The following ZNF804B variants were observed in gnomAD, a reference collection of about 807,000 sequenced individuals.
ZNF804B encodes the protein zinc finger 804B.
Under a neutral mutation model 101.4 loss-of-function variants are expected in ZNF804B, and 80 were observed. That is an observed-to-expected ratio of 0.79 (90% CI 0.66 to 0.95). The LOEUF (loss-of-function observed/expected upper bound fraction) is 0.95. Ranked by LOEUF, ZNF804B falls within the 40% of genes least tolerant of loss-of-function variation. The probability of loss-of-function intolerance (pLI) is 0.00; values close to 1 mark genes in which losing one functional copy is unlikely to be tolerated. For missense variants in ZNF804B, 1,673 were observed against 1,561.9 expected (o/e 1.07, Z -1.20); for synonymous variants, 622 against 558.8 (o/e 1.11, Z -1.59).
intron 1 of ZNF804B, among the ~76,000 whole-genome samples, chr7:89,065,480 C>T (rs547004895): frequency 1.3e-5 from 2 of 152,060 alleles, no homozygotes; most frequent in African/African-American, 2.4e-5. Flanking sequence ...GGCTTCAGAA[C>T]CCCTCACCAG....
intron 2 of ZNF804B, among the ~76,000 whole-genome samples, chr7:89,273,821 C>G (rs1215190328): frequency 6.6e-6 from 1 of 152,094 alleles, no homozygotes; most frequent in African/African-American, 2.4e-5. Flanking sequence ...TTCCAATAAA[C>G]AAAACAAGGC....
At chr7:88,932,499 G>A (rs1026940304) in intron 1 of ZNF804B, among the ~76,000 whole-genome samples, 4 of 151,802 alleles carry the variant, frequency 2.6e-5, no homozygotes, top group African/African-American at 9.7e-5. Context: ...TTGACCATTA[G>A]TGAGATTAAC....
intron 1 of ZNF804B, among the ~76,000 whole-genome samples, chr7:89,041,529 T>C (rs1247648066): frequency 6.6e-6 from 1 of 152,104 alleles, no homozygotes; most frequent in African/African-American, 2.4e-5. Context: ...TGGGCTCATG[T>C]GATTGAGTCT....
At chr7:89,074,762 G>A (rs927153258) in intron 1 of ZNF804B, among the ~76,000 whole-genome samples, 8 of 152,170 alleles carry the variant, frequency 5.3e-5, no homozygotes, top group Admixed American at 1.3e-4. Flanking sequence ...GGGCACAGAA[G>A]AAGACAGGAA....
At chr7:88,997,710 C>T (rs751191360) in intron 1 of ZNF804B, among the ~76,000 whole-genome samples, 1 of 152,018 alleles carries the variant, frequency 6.6e-6, no homozygotes, top group Non-Finnish European at 1.5e-5. Context: ...CTAATTTTTG[C>T]TTTATTTCTA....
intron 1 of ZNF804B, among the ~76,000 whole-genome samples, chr7:89,191,100 A>G (rs948536377): frequency 2.0e-5 from 3 of 152,150 alleles, no homozygotes; most frequent in Non-Finnish European, 4.4e-5. Context: ...TTTTAAAGTT[A>G]TACATTCGAT....
chr7:89,256,540 CAA>C (rs71526639), intron 2 of ZNF804B, among the ~76,000 whole-genome samples: 9 of 118,842 alleles, frequency 7.6e-5, no homozygotes, highest in Admixed American at 8.3e-5. Context: ...GCAAGACTGT[CAA>C]AAAAAAAAAA....
intron 1 of ZNF804B, among the ~76,000 whole-genome samples, chr7:89,007,708 G>A (rs1218347440): frequency 6.7e-6 from 1 of 148,938 alleles, no homozygotes; most frequent in African/African-American, 2.5e-5. Context: ...GTCTTATGTT[G>A]ACAGCATGGA....
chr7:89,038,751 A>G (rs1280637051), intron 1 of ZNF804B, among the ~76,000 whole-genome samples: 1 of 151,966 alleles, frequency 6.6e-6, no homozygotes, highest in East Asian at 1.9e-4. Context: ...ATCAAGAAGC[A>G]TTTCCCCTAT....
intron 1 of ZNF804B, among the ~76,000 whole-genome samples, chr7:89,167,968 T>C (rs1391875574): frequency 6.6e-6 from 1 of 152,284 alleles, no homozygotes; most frequent in Non-Finnish European, 1.5e-5. Context: ...AATAATATCA[T>C]ACAATATCTA....
rs1333752871 is a variant in ZNF804B at position 89,220,075 on chromosome 7, G to GTA, written c.249+1785_249+1786dup. On this transcript the variant is annotated intron_variant, in intron 2 of 3. Transcript: ENST00000333190. ...TATACATATATACGCACATATATGT[G>GTA]TATATACATATATATACGCACATAT... 8.0e-5 allele frequency among the ~76,000 whole-genome samples: 8 copies of GTA among 99,482 alleles called. 4 individuals are homozygous for GTA. The highest frequency in any genetic ancestry group is 3.9e-4 in the Admixed American group (4 of 10,312). The allele number at this position is 99,482 out of a possible 152,430, so 65.3% of individuals were successfully genotyped here.
intron 1 of ZNF804B, among the ~76,000 whole-genome samples, chr7:89,089,727 G>A (rs948117737): frequency 2.6e-5 from 4 of 151,976 alleles, no homozygotes; most frequent in Non-Finnish European, 4.4e-5. Flanking sequence ...ATTTTAGTTT[G>A]ATACTTGCCT....
At chr7:89,060,642 C>T (rs1789365603) in intron 1 of ZNF804B, among the ~76,000 whole-genome samples, 1 of 152,096 alleles carries the variant, frequency 6.6e-6, no homozygotes, top group Non-Finnish European at 1.5e-5. Context: ...TTCTACTCCT[C>T]CACACATAAT....
intron 1 of ZNF804B, among the ~76,000 whole-genome samples, chr7:88,853,160 T>C (rs891014334): frequency 4.6e-5 from 7 of 152,156 alleles, no homozygotes; most frequent in African/African-American, 1.7e-4. Context: ...TCCAATCATC[T>C]GGAGAAAAGA....
chr7:89,174,870 C>A (rs1033820047), intron 1 of ZNF804B, among the ~76,000 whole-genome samples: 1 of 151,950 alleles, frequency 6.6e-6, no homozygotes, highest in African/African-American at 2.4e-5. Flanking sequence ...TTTTTACATA[C>A]CTGTATGCCA....
chr7:89,207,792 A>G (rs1022706827), intron 1 of ZNF804B, among the ~76,000 whole-genome samples: 25 of 152,234 alleles, frequency 1.6e-4, no homozygotes, highest in Non-Finnish European at 3.1e-4. Flanking sequence ...CAGTCACTAC[A>G]TTTATTAATT....
Position 89,171,288 on chromosome 7 carries a change from G to GCTGCTGCTT in ZNF804B, c.109-46865_109-46864insGCTGCTTCT, listed in dbSNP as rs1215246589. ...AGTAGGCACAAATAATGCTGCTGCT[G>GCTGCTGCTT]CTTCTTCTTCTTCTTCTTCTTCTTC... On this transcript the variant is annotated intron_variant, in intron 1 of 3. Coordinates refer to ENST00000333190, the MANE Select transcript of ZNF804B (RefSeq NM_181646.5). Among the ~76,000 whole-genome samples, 67 of 82,538 alleles carry GCTGCTGCTT rather than the reference G, an allele frequency of 8.1e-4. 1 individual carries two copies. The highest frequency in any genetic ancestry group is 3.0e-3 in the African/African-American group (63 of 20,664). The allele number at this position is 82,538 out of a possible 152,430, so 54.1% of individuals were successfully genotyped here. A position where few individuals can be genotyped will look rare whatever the true frequency, so the allele number is the denominator to read the frequency against.
chr7:88,964,885 T>C (rs1793432885), intron 1 of ZNF804B, among the ~76,000 whole-genome samples: 1 of 151,308 alleles, frequency 6.6e-6, no homozygotes, highest in Admixed American at 6.6e-5. Context: ...GCAGAAACAA[T>C]TATATAAAGC....
intron 2 of ZNF804B, among the ~76,000 whole-genome samples, chr7:89,222,482 T>C (rs1169330571): frequency 6.6e-6 from 1 of 151,994 alleles, no homozygotes; most frequent in African/African-American, 2.4e-5. Context: ...AGGAAATCTT[T>C]AGTGCTTGAT....
Sources: allele counts gnomAD v4.1 joint callset (sites outside exome capture counted in the v4.1 genomes callset), GRCh38; gene constraint gnomAD v4.1.1; transcripts MANE v1.5; gene names NCBI Gene and HGNC (gene_info 2026-07-23, HGNC 2026-07-21).